RXFP1: variants seen among roughly 807,000 people sequenced by gnomAD.
RXFP1 encodes relaxin receptor 1.
RXFP1 carries 73 observed loss-of-function variants against 89.8 expected under a neutral mutation model. That is an observed-to-expected ratio of 0.81 (90% CI 0.67 to 0.99). RXFP1 has a LOEUF of 0.99. Ranked by LOEUF, RXFP1 falls within the 50% of genes least tolerant of loss-of-function variation. The pLI is 0.00. For synonymous variants in RXFP1, 277 were observed against 305.5 expected, an observed-to-expected ratio of 0.91 and a Z score of 0.97; for missense variants, 793 against 895.5, an observed-to-expected ratio of 0.89 and a Z score of 1.46.
At chr4:158,631,978 A>T (rs1318493435) in intron 11 of RXFP1, among the ~76,000 whole-genome samples, 1 of 152,146 alleles carries the variant, frequency 6.6e-6, no homozygotes, top group East Asian at 1.9e-4. Flanking sequence ...CTGTAGTCCC[A>T]GCTACTCAGG....
At chr4:158,523,452 C>A (rs55822924) in intron 1 of RXFP1, among the ~76,000 whole-genome samples, 38 of 152,130 alleles carry the variant, frequency 2.5e-4, no homozygotes, top group African/African-American at 8.0e-4. Context: ...CCATGTTTAC[C>A]TGTACCCTTT....
chr4:158,576,296 C>T (rs1054364395), intron 2 of RXFP1, among the ~76,000 whole-genome samples: 3 of 152,064 alleles, frequency 2.0e-5, no homozygotes, highest in African/African-American at 7.2e-5. Context: ...CCCAGTGACT[C>T]ACACCTGTAA....
At chr4:158,553,878 A>G (rs1750693405) in intron 1 of RXFP1, among the ~76,000 whole-genome samples, 1 of 152,304 alleles carries the variant, frequency 6.6e-6, no homozygotes, top group Middle Eastern at 3.4e-3. Flanking sequence ...ACTTTGGGAT[A>G]TCGCTTTCTA....
chr4:158,628,641 G>T lies in RXFP1; in HGVS notation c.831G>T (p.Val277=). The change falls in exon 11 of 18, where the codon GTG becomes GTT. Residue 277 remains valine (V), a synonymous_variant. Transcript: ENST00000307765. ...GTATTTTTCTTTTTACTTTCAGAGTGATGAGGAAAAACAAAATTAATCACT... is the reference window on the plus strand; with the variant it reads ...GTATTTTTCTTTTTACTTTCAGAGTTATGAGGAAAAACAAAATTAATCACT... ...FISCSNLTVL[V]MRKNKINHLN... The T allele has an allele frequency of 6.6e-7, 1 of 1,511,480 alleles. No homozygotes were observed. The highest frequency in any genetic ancestry group is 9.2e-7 in the Non-Finnish European group (1 of 1,092,582). 93.6% of individuals were successfully genotyped at this position (1,511,480 alleles called of 1,614,324 possible). A position where few individuals can be genotyped will look rare whatever the true frequency, so the allele number is the denominator to read the frequency against.
At chr4:158,569,089 C>G (rs765385567) in intron 1 of RXFP1, among the ~76,000 whole-genome samples, 1 of 152,168 alleles carries the variant, frequency 6.6e-6, no homozygotes, top group African/African-American at 2.4e-5. Context: ...GTGGCCAACA[C>G]AAAAACCTGC....
chr4:158,571,157 T>C (rs978855968), intron 1 of RXFP1, among the ~76,000 whole-genome samples: 20 of 152,214 alleles, frequency 1.3e-4, no homozygotes, highest in African/African-American at 4.6e-4. Flanking sequence ...TTTATTAACT[T>C]GTTCAATGTA....
chr4:158,572,612 T>G, intron 1 of RXFP1, 86 bp from the exon 2 acceptor site: 1 of 1,199,408 alleles, frequency 8.3e-7, no homozygotes. Context: ...AGACAAATGA[T>G]TATAAAATAT....
At chr4:158,584,376 G>A (rs949313259) in intron 2 of RXFP1, among the ~76,000 whole-genome samples, 2 of 151,776 alleles carry the variant, frequency 1.3e-5, no homozygotes, top group African/African-American at 4.8e-5. Context: ...GGAGGTTGCA[G>A]TGAGCCAAGA....
chr4:158,627,851 A>G (rs1767215321), intron 10 of RXFP1, among the ~76,000 whole-genome samples: 1 of 152,176 alleles, frequency 6.6e-6, no homozygotes. Flanking sequence ...ACAAATAGAT[A>G]TCTGAAAAAC....
At chr4:158,576,856 G>T (rs913883363) in intron 2 of RXFP1, among the ~76,000 whole-genome samples, 3 of 152,192 alleles carry the variant, frequency 2.0e-5, no homozygotes, top group African/African-American at 4.8e-5. Flanking sequence ...AAGGATGGCA[G>T]AATTTCATCA....
At chr4:158,567,929 G>C (rs1000851471) in intron 1 of RXFP1, among the ~76,000 whole-genome samples, 1 of 152,148 alleles carries the variant, frequency 6.6e-6, no homozygotes, top group South Asian at 2.1e-4. Context: ...TCTTTTGCTC[G>C]TTGCAATAAA....
At chr4:158,545,697 T>A (rs1450430270) in intron 1 of RXFP1, among the ~76,000 whole-genome samples, 2 of 152,232 alleles carry the variant, frequency 1.3e-5, no homozygotes, top group Non-Finnish European at 2.9e-5. Flanking sequence ...CACCATTTGT[T>A]AAATAGGGAA....
intron 1 of RXFP1, among the ~76,000 whole-genome samples, chr4:158,537,949 G>A (rs914861350): frequency 3.3e-5 from 5 of 152,138 alleles, no homozygotes; most frequent in Non-Finnish European, 7.4e-5. Context: ...GAAGAATGAG[G>A]AACAGCCAGG....
At chr4:158,644,105 G>C (rs1336074866) in intron 14 of RXFP1, among the ~76,000 whole-genome samples, 1 of 144,766 alleles carries the variant, frequency 6.9e-6, no homozygotes, top group Non-Finnish European at 1.5e-5. Flanking sequence ...GGAGTGCAGT[G>C]GCACGATCTG....
At chr4:158,600,550 C>A (rs1761487507) in intron 4 of RXFP1, among the ~76,000 whole-genome samples, 1 of 152,056 alleles carries the variant, frequency 6.6e-6, no homozygotes, top group Admixed American at 6.6e-5. Flanking sequence ...GTAATAATTC[C>A]CCAAAAGAAC....
Position 158,617,296 on chromosome 4 carries a change from T to TA in RXFP1, c.755+96dup. On this transcript the variant is annotated intron_variant, in intron 9 of 17. Coordinates refer to ENST00000307765, the MANE Select transcript of RXFP1 (RefSeq NM_021634.4). The stretch of plus-strand genomic sequence containing the variant: ...GATATAAGATTGTTTTAGTTTTTCT[T>TA]AAAAATGATAAGGGTTTTAGTATCA... 5 of 947,652 alleles carry TA rather than the reference T, an allele frequency of 5.3e-6. No individual in the cohort carries two copies. The Middle Eastern group carries it at 6.5e-4, about 123-fold the overall frequency. The allele number at this position is 947,652 out of a possible 1,614,324, so 58.7% of individuals were successfully genotyped here.
intron 2 of RXFP1, among the ~76,000 whole-genome samples, chr4:158,587,406 A>C (rs1758508803): frequency 6.6e-6 from 1 of 152,218 alleles, no homozygotes; most frequent in Admixed American, 6.5e-5. Flanking sequence ...CATTGATTTC[A>C]TAAAGAAAAA....
At chr4:158,566,632 G>T (rs1753613547) in intron 1 of RXFP1, among the ~76,000 whole-genome samples, 1 of 152,160 alleles carries the variant, frequency 6.6e-6, no homozygotes, top group African/African-American at 2.4e-5. Context: ...CCAAAGTGCT[G>T]GGATTACAGG....
At chr4:158,644,596 G>A (rs1771152975) in intron 14 of RXFP1, among the ~76,000 whole-genome samples, 1 of 152,138 alleles carries the variant, frequency 6.6e-6, no homozygotes, top group African/African-American at 2.4e-5. Context: ...ACCATTGCGA[G>A]TACGATAACG....
Sources: allele counts gnomAD v4.1 joint callset (sites outside exome capture counted in the v4.1 genomes callset), GRCh38; gene constraint gnomAD v4.1.1; transcripts MANE v1.5; gene names NCBI Gene and HGNC (gene_info 2026-07-23, HGNC 2026-07-21).